Variants in PIGN observed in about 807,000 individuals in gnomAD.
PIGN encodes the protein phosphatidylinositol glycan anchor biosynthesis class N.
PIGN carries 117 observed loss-of-function variants against 125.4 expected under a neutral mutation model. The observed-to-expected ratio is 0.93, with a 90% CI of 0.80 to 1.09. PIGN has a LOEUF of 1.09. PIGN is among the 50% of genes least tolerant of loss of function. The pLI, the probability that PIGN is intolerant of heterozygous loss-of-function variation, is 0.00. For synonymous variants in PIGN, 392 were observed against 377.8 expected (o/e 1.04, Z -0.44); for missense variants, 1,075 against 1,094.9 (o/e 0.98, Z 0.26).
rs1233013332 is a variant in PIGN, at chr18:62,084,559, A to T, written c.2474T>A (p.Phe825Tyr). 6.4e-7 allele frequency: 1 copy of T among 1,559,010 alleles called. No homozygotes were observed. The part of the protein sequence containing the change: ...VYCFLTVFSP[F>Y]MMGALMMWKI... The stretch of plus-strand genomic sequence containing the variant: ...CCACATCATCAGGGCTCCCATCATA[A>T]AAGGACTGAACACAGTCAGAAAGCA... The change falls in exon 27 of 31, where the codon TTT becomes TAT. Residue 825 changes from phenylalanine (F) to tyrosine (Y), a missense_variant. Phe to Tyr is a conservative substitution (Grantham distance 22). Coordinates refer to ENST00000640252, the MANE Select transcript of PIGN (RefSeq NM_176787.5).
At chr18:62,023,989 G>T (rs546807721) in intron 23 of PIGN, among the ~76,000 whole-genome samples, 5 of 152,248 alleles carry the variant, frequency 3.3e-5, no homozygotes, top group African/African-American at 1.2e-4. Flanking sequence ...AAAGCATAGC[G>T]GCTGAAATTC....
In PIGN at chr18:62,095,856, T is replaced by G; in HGVS notation, c.2172A>C (p.Leu724=). The G allele has an allele frequency of 6.3e-7, 1 of 1,596,830 alleles. No individual in the cohort carries two copies. Among genetic ancestry groups the G allele is most frequent in the Non-Finnish European group, 8.6e-7 (1 of 1,164,440 alleles). Residue 724 remains leucine (L), a synonymous_variant, in exon 23 of 31, where the codon CTA becomes CTC. Coordinates refer to ENST00000640252, the MANE Select transcript of PIGN (RefSeq NM_176787.5). ...TGTTAAAAAGTTTATACCCTGTGCT[T>G]AGAAGTAGGTAGGTTGACATCAATG... The part of the protein sequence containing the change: ...LLSLMSTYLL[L]STGYEALFPL...
At chr18:62,139,150 A>G (rs560337422) in intron 12 of PIGN, 75 bp from the exon 13 acceptor site, 1 of 813,036 alleles carries the variant, frequency 1.2e-6, no homozygotes, top group Admixed American at 2.3e-5. Flanking sequence ...AAACAGACTT[A>G]AAAGCAATAA....
chr18:62,035,531 CT>C (rs759433190), intron 23 of PIGN, among the ~76,000 whole-genome samples: 4 of 152,092 alleles, frequency 2.6e-5, no homozygotes, highest in South Asian at 2.1e-4. Flanking sequence ...ACTTTTTTAT[CT>C]TTTTTTTATT....
intron 22 of PIGN, among the ~76,000 whole-genome samples, chr18:62,096,516 CTTTTTTTT>C (rs398033140): frequency 3.2e-3 from 277 of 85,660 alleles, no homozygotes; most frequent in Admixed American, 4.3e-3. Context: ...GAATTATTTT[CTTTTTTTT>C]TTTTTTTTTT....
At chr18:62,123,603 C>A (rs1201442800) in intron 14 of PIGN, 3 of 152,088 alleles carry the variant, frequency 2.0e-5, no homozygotes, top group Non-Finnish European at 4.4e-5. Flanking sequence ...AGCAGTTGTA[C>A]AATGAATATC....
intron 30 of PIGN, chr18:62,052,335 C>G (rs1040338136): frequency 2.0e-5 from 3 of 150,852 alleles, no homozygotes; most frequent in African/African-American, 7.3e-5. Flanking sequence ...GTGTGGGAGT[C>G]TAAGTCTCTT....
At chr18:62,034,732 C>T (rs910130187) in intron 23 of PIGN, among the ~76,000 whole-genome samples, 1 of 152,180 alleles carries the variant, frequency 6.6e-6, no homozygotes, top group Admixed American at 6.5e-5. Context: ...TATCTGTACC[C>T]CTACTGTATT....
At chr18:62,020,893 G>A (rs1009841106) in intron 23 of PIGN, among the ~76,000 whole-genome samples, 6 of 151,536 alleles carry the variant, frequency 4.0e-5, no homozygotes, top group Admixed American at 1.3e-4. Flanking sequence ...CCTGGCAGGC[G>A]GAGCTTGCAG....
intron 1 of PIGN, among the ~76,000 whole-genome samples, chr18:62,178,797 T>A (rs1215094313): frequency 6.6e-6 from 1 of 152,204 alleles, no homozygotes; most frequent in East Asian, 1.9e-4. Context: ...AAATCCCATA[T>A]GAGAACTAAT....
At chr18:62,034,571 TG>T (rs1323513290) in intron 23 of PIGN, among the ~76,000 whole-genome samples, 8 of 152,214 alleles carry the variant, frequency 5.3e-5, no homozygotes, top group Non-Finnish European at 1.2e-4. Flanking sequence ...CTTGCATCAG[TG>T]TGACCTGGAT....
In PIGN at chr18:62,041,643, GTGTGTGTGTGTGTGTGTGTGTGTGT is replaced by G. The variant is rs2030381647; in HGVS notation, c.*4188_*4212del. The stretch of plus-strand genomic sequence containing the variant: ...ACAGGAGCCTACCACCCCGCCGGGT[GTGTGTGTGTGTGTGTGTGTGTGTGT>G]GTGTGTGTGTGTGTGTGTGTGTGTG... On this transcript the variant is annotated 3_prime_UTR_variant, in exon 31 of 31. Transcript: ENST00000640252. 1 of 59,052 alleles carries G rather than the reference GTGTGTGTGTGTGTGTGTGTGTGTGT, an allele frequency of 1.7e-5. No individual in the cohort carries two copies. Among genetic ancestry groups the G allele is most frequent in the Non-Finnish European group, 3.3e-5 (1 of 30,034 alleles). The allele number at this position is 59,052 out of a possible 1,614,324, so 3.7% of individuals were successfully genotyped here.
intron 28 of PIGN, among the ~76,000 whole-genome samples, chr18:62,076,848 T>C (rs1383144096): frequency 6.6e-6 from 1 of 152,198 alleles, no homozygotes; most frequent in Admixed American, 6.5e-5. Context: ...TAAGAGTTTG[T>C]AGAGAATGCA....
At position 62,106,778 on chromosome 18, in the gene PIGN, A is replaced by G; in HGVS notation, c.1767+11T>C. On this transcript the variant is annotated intron_variant, in intron 19 of 30. Coordinates refer to ENST00000640252, the MANE Select transcript of PIGN (RefSeq NM_176787.5). ...TACTAATCTGTCCTATGTCAAAATGAGTACTCATACCTTTGCTCGAGTCCA... is the reference window on the plus strand; with the variant it reads ...TACTAATCTGTCCTATGTCAAAATGGGTACTCATACCTTTGCTCGAGTCCA... 1 of 1,572,830 alleles carries G rather than the reference A, an allele frequency of 6.4e-7. No individual in the cohort carries two copies. The highest frequency in any genetic ancestry group is 2.3e-5 in the East Asian group (1 of 44,098).
intron 23 of PIGN, among the ~76,000 whole-genome samples, chr18:62,028,858 A>C (rs1244267623): frequency 6.6e-6 from 1 of 152,236 alleles, no homozygotes; most frequent in African/African-American, 2.4e-5. Flanking sequence ...TGATAGCAAC[A>C]CTGCTAGAAT....
chr18:62,065,507 G>C (rs897325528), intron 30 of PIGN, among the ~76,000 whole-genome samples: 26 of 152,160 alleles, frequency 1.7e-4, no homozygotes, highest in African/African-American at 6.3e-4. Flanking sequence ...GGGAGGCCGA[G>C]GCGGGCGGAT....
At chr18:62,024,870 T>C (rs1319698993) in intron 23 of PIGN, among the ~76,000 whole-genome samples, 2 of 152,192 alleles carry the variant, frequency 1.3e-5, no homozygotes, top group Non-Finnish European at 2.9e-5. Flanking sequence ...TGATCATATA[T>C]GTGCTCCACC....
intron 23 of PIGN, among the ~76,000 whole-genome samples, chr18:62,027,377 T>C (rs1042816316): frequency 5.9e-5 from 9 of 152,086 alleles, no homozygotes; most frequent in Non-Finnish European, 1.0e-4. Flanking sequence ...CCTCAGGAGG[T>C]CCTGACGACA....
chr18:62,027,013 G>T (rs796399921), intron 23 of PIGN, among the ~76,000 whole-genome samples: 1 of 152,142 alleles, frequency 6.6e-6, no homozygotes, highest in Admixed American at 6.5e-5. Flanking sequence ...GACCAGCCTG[G>T]CCAACATGGT....
Sources: gnomAD v4.1 joint callset for allele counts (sites outside exome capture counted in the v4.1 genomes callset) on GRCh38, gnomAD v4.1.1 for gene constraint, MANE v1.5 for transcripts, NCBI Gene and HGNC (gene_info 2026-07-23, HGNC 2026-07-21) for gene names.